Variants in ITPR2 observed in about 807,000 individuals in gnomAD.
ITPR2 encodes the protein inositol 1,4,5-trisphosphate receptor type 2.
In ITPR2, 207 loss-of-function variants were observed where a neutral mutation model predicts 317.1. The ratio of observed to expected loss-of-function variants is 0.65; its 90% CI spans 0.58 to 0.73. The LOEUF (loss-of-function observed/expected upper bound fraction) is 0.73. Ranked by LOEUF, ITPR2 falls within the 30% of genes least tolerant of loss-of-function variation. The pLI, the probability that ITPR2 is intolerant of heterozygous loss-of-function variation, is 0.00. For missense variants in ITPR2, 2,613 were observed against 3,284.0 expected (o/e 0.80, Z 4.99); for synonymous variants, 1,156 against 1,149.1 (o/e 1.01, Z -0.12).
At chr12:26,405,694 G>T (rs886383672) in intron 52 of ITPR2, among the ~76,000 whole-genome samples, 1 of 152,182 alleles carries the variant, frequency 6.6e-6, no homozygotes, top group Non-Finnish European at 1.5e-5. Context: ...ACTGAGACAC[G>T]TTTGAAAGTA....
At chr12:26,809,594 C>G (rs1950698133) in intron 1 of ITPR2, among the ~76,000 whole-genome samples, 1 of 152,168 alleles carries the variant, frequency 6.6e-6, no homozygotes. Flanking sequence ...CTGCCTTTCT[C>G]ACTCTCTTTT....
At chr12:26,604,931 T>C (rs577048178) in intron 26 of ITPR2, among the ~76,000 whole-genome samples, 23 of 151,612 alleles carry the variant, frequency 1.5e-4, no homozygotes, top group African/African-American at 5.3e-4. Context: ...CTACTAAAAA[T>C]ACAAAAATTA....
intron 37 of ITPR2, among the ~76,000 whole-genome samples, chr12:26,541,074 G>A (rs2017513): frequency 0.57 from 84,956 of 149,902 alleles, 27,935 homozygotes; most frequent in Non-Finnish European, 0.76. Context: ...TTGGGAGGCC[G>A]AGGCAGGTGG....
intron 1 of ITPR2, among the ~76,000 whole-genome samples, chr12:26,829,334 A>T (rs1400958051): frequency 1.3e-5 from 2 of 151,934 alleles, no homozygotes. Flanking sequence ...GAGATTTCAT[A>T]GCACCTTTTT....
chr12:26,642,877 A>G (rs7306427), intron 21 of ITPR2, among the ~76,000 whole-genome samples: 128,379 of 152,140 alleles, frequency 0.84, 54,397 homozygotes, highest in East Asian at 0.97. Context: ...TTCAGAAGTG[A>G]AGGTCTACTC....
chr12:26,351,511 A>T (rs1446331764), intron 55 of ITPR2, among the ~76,000 whole-genome samples: 1 of 152,222 alleles, frequency 6.6e-6, no homozygotes, highest in Non-Finnish European at 1.5e-5. Context: ...CAAATCAGCC[A>T]GGAGTGGCAG....
intron 55 of ITPR2, among the ~76,000 whole-genome samples, chr12:26,355,924 A>G (rs1454394170): frequency 6.6e-6 from 1 of 152,224 alleles, no homozygotes; most frequent in Non-Finnish European, 1.5e-5. Context: ...GAGACCTTGC[A>G]TTCAGACTAA....
At chr12:26,575,306 C>A (rs1203846336) in intron 34 of ITPR2, among the ~76,000 whole-genome samples, 1 of 151,288 alleles carries the variant, frequency 6.6e-6, no homozygotes, top group East Asian at 1.9e-4. Flanking sequence ...AGAAAGATTA[C>A]TCTGGTATCA....
intron 13 of ITPR2, among the ~76,000 whole-genome samples, chr12:26,677,568 C>T (rs1279346495): frequency 6.6e-6 from 1 of 151,842 alleles, no homozygotes; most frequent in Non-Finnish European, 1.5e-5. Context: ...CCACTGCACT[C>T]CAGCCTGGGC....
Position 26,419,097 on chromosome 12 carries a change from C to T in ITPR2, c.7062G>A (p.Leu2354=), listed in dbSNP as rs1940811879. 1 of 1,613,782 alleles carries T rather than the reference C, an allele frequency of 6.2e-7. No homozygotes were observed. Among genetic ancestry groups the T allele is most frequent in the Middle Eastern group, 1.6e-4 (1 of 6,062 alleles). ...GGACAAAAAGGCCCAGCATGCAAAC[C>T]AGGACATACGCCACGTGATAGAGAA... ...MAFLYHVAYV[L]VCMLGLFVHE... is the part of the protein sequence containing the mutation. Residue 2354 remains leucine, a synonymous_variant, in exon 50 of 57, where the codon CTG becomes CTA. Coordinates refer to ENST00000381340, the MANE Select transcript of ITPR2 (RefSeq NM_002223.4).
At chr12:26,485,740 G>A (rs1051121880) in intron 41 of ITPR2, among the ~76,000 whole-genome samples, 1 of 152,022 alleles carries the variant, frequency 6.6e-6, no homozygotes, top group Non-Finnish European at 1.5e-5. Flanking sequence ...AATAATGAAA[G>A]CCCCTTAAGA....
intron 33 of ITPR2, 91 bp downstream of exon 33, chr12:26,579,936 G>T: frequency 2.1e-6 from 2 of 938,964 alleles, no homozygotes; most frequent in African/African-American, 1.6e-5. Flanking sequence ...CATCTGAAGT[G>T]TAGGAGATGA....
chr12:26,438,328 C>T (rs1941407979), intron 47 of ITPR2, among the ~76,000 whole-genome samples: 1 of 151,978 alleles, frequency 6.6e-6, no homozygotes, highest in Non-Finnish European at 1.5e-5. Context: ...ATAAATCATA[C>T]CCACTAAAGT....
chr12:26,458,705 A>T (rs1169547437), intron 45 of ITPR2, among the ~76,000 whole-genome samples: 1 of 152,234 alleles, frequency 6.6e-6, no homozygotes, highest in East Asian at 1.9e-4. Context: ...TTTCTGTTAA[A>T]ACTACAAAGA....
intron 34 of ITPR2, among the ~76,000 whole-genome samples, chr12:26,567,055 T>C (rs998621432): frequency 6.6e-6 from 1 of 152,224 alleles, no homozygotes; most frequent in Non-Finnish European, 1.5e-5. Context: ...TCAAAACATG[T>C]TACAAACAAG....
intron 21 of ITPR2, chr12:26,649,088 T>C (rs1217262279): frequency 6.6e-6 from 1 of 152,174 alleles, no homozygotes; most frequent in Non-Finnish European, 1.5e-5. Flanking sequence ...TTTAAAAAAC[T>C]TTCAAATTTA....
At chr12:26,387,663 A>G in intron 54 of ITPR2, 69 bp from the exon 55 acceptor site, 1 of 1,404,688 alleles carries the variant, frequency 7.1e-7, no homozygotes, top group Non-Finnish European at 9.8e-7. Context: ...TAGCATAAAA[A>G]CAAAACACAA....
At chr12:26,568,903 C>T (rs1287095809) in intron 34 of ITPR2, among the ~76,000 whole-genome samples, 1 of 152,162 alleles carries the variant, frequency 6.6e-6, no homozygotes, top group African/African-American at 2.4e-5. Flanking sequence ...GTTTGGCACT[C>T]AAATTATACT....
intron 55 of ITPR2, among the ~76,000 whole-genome samples, chr12:26,350,203 T>C (rs1938437315): frequency 6.6e-6 from 1 of 151,984 alleles, no homozygotes; most frequent in African/African-American, 2.4e-5. Flanking sequence ...GGACCCCCTC[T>C]GCCAAAAAAA....
Sources: allele counts gnomAD v4.1 joint callset (sites outside exome capture counted in the v4.1 genomes callset), GRCh38; gene constraint gnomAD v4.1.1; transcripts MANE v1.5; gene names NCBI Gene and HGNC (gene_info 2026-07-23, HGNC 2026-07-21).